The following MAP3K5 variants were observed in gnomAD, a reference collection of about 807,000 sequenced individuals.
The protein encoded by MAP3K5 is mitogen-activated protein kinase kinase kinase 5, also known as ASK-1.
Under a neutral mutation model 158.7 loss-of-function variants are expected in MAP3K5, and 56 were observed. The ratio of observed to expected loss-of-function variants is 0.35; its 90% confidence interval spans 0.28 to 0.44. The LOEUF is 0.44. Among genes scored for constraint, MAP3K5 ranks in the 20% least tolerant of loss-of-function variants. MAP3K5 has a pLI of 1.00. For missense variants in MAP3K5, 1,294 were observed against 1,674.8 expected, an observed-to-expected ratio of 0.77 and a Z score of 3.97; for synonymous variants, 579 against 601.7, an observed-to-expected ratio of 0.96 and a Z score of 0.55.
At chr6:136,725,687 T>C (rs1265348758) in intron 1 of MAP3K5, among the ~76,000 whole-genome samples, 1 of 152,260 alleles carries the variant, frequency 6.6e-6, no homozygotes, top group Non-Finnish European at 1.5e-5. Context: ...TACAAGAGAA[T>C]TTAAATTTAA....
chr6:136,626,880 T>G (rs1325829443), intron 14 of MAP3K5, among the ~76,000 whole-genome samples: 1 of 152,226 alleles, frequency 6.6e-6, no homozygotes, highest in Non-Finnish European at 1.5e-5. Context: ...AGAAATTTTT[T>G]TTTCCAGTGA....
chr6:136,668,944 T>C (rs1342670700), intron 8 of MAP3K5, among the ~76,000 whole-genome samples: 1 of 152,118 alleles, frequency 6.6e-6, no homozygotes, highest in Non-Finnish European at 1.5e-5. Flanking sequence ...CAATCTAAAA[T>C]AGGAAATATT....
intron 2 of MAP3K5, among the ~76,000 whole-genome samples, chr6:136,711,377 T>A (rs1182205274): frequency 6.6e-6 from 1 of 152,010 alleles, no homozygotes; most frequent in Non-Finnish European, 1.5e-5. Flanking sequence ...AAAGAAAATA[T>A]CTTCTGGCCA....
intron 23 of MAP3K5, among the ~76,000 whole-genome samples, chr6:136,591,380 G>A (rs890470076): frequency 1.3e-5 from 2 of 152,242 alleles, no homozygotes; most frequent in African/African-American, 4.8e-5. Context: ...GCGGGTGCCC[G>A]CCTGGTACTG....
chr6:136,605,082 C>G (rs900131318), intron 19 of MAP3K5, 127 bp downstream of exon 19: 2 of 886,268 alleles, frequency 2.3e-6, no homozygotes. Flanking sequence ...TCTTCTTGAC[C>G]TTTAATGTGT....
intron 1 of MAP3K5, among the ~76,000 whole-genome samples, chr6:136,739,951 T>C (rs1001170624): frequency 6.6e-6 from 1 of 152,162 alleles, no homozygotes; most frequent in Non-Finnish European, 1.5e-5. Flanking sequence ...GGCCTGTAGC[T>C]GCCAAGAAAC....
intron 1 of MAP3K5, among the ~76,000 whole-genome samples, chr6:136,741,765 C>A (rs888704622): frequency 6.6e-6 from 1 of 152,060 alleles, no homozygotes; most frequent in Non-Finnish European, 1.5e-5. Flanking sequence ...TAACAAAAAC[C>A]CTCCTAGAAT....
intron 1 of MAP3K5, among the ~76,000 whole-genome samples, chr6:136,757,611 G>T (rs1783563200): frequency 7.1e-6 from 1 of 140,484 alleles, no homozygotes; most frequent in African/African-American, 2.7e-5. Flanking sequence ...TTTTGAGACG[G>T]AGTTTCGCTC....
chr6:136,605,811 AT>A (rs1562540802), intron 18 of MAP3K5, among the ~76,000 whole-genome samples: 1 of 152,096 alleles, frequency 6.6e-6, no homozygotes, highest in Non-Finnish European at 1.5e-5. Flanking sequence ...CTCTATCTCT[AT>A]TTTTCAGTTC....
chr6:136,557,764 CTGTT>C lies in MAP3K5; in HGVS notation c.4115_4118del (p.Lys1372ArgfsTer8). The C allele has an allele frequency of 6.2e-7, 1 of 1,610,422 alleles. No homozygotes were observed. The highest frequency in any genetic ancestry group is 1.1e-5 in the South Asian group (1 of 90,996). Reference sequence around the variant, plus strand: ...AGATTAGATTGAGCAACAGTCAAGTCTGTTTGTTTCGAAAGTCAATGATAGCCTT... The same window carrying C: ...AGATTAGATTGAGCAACAGTCAAGTCTGTTTCGAAAGTCAATGATAGCCTT... On this transcript the variant is annotated frameshift_variant, in exon 30 of 30. Coordinates refer to ENST00000359015, the MANE Select transcript of MAP3K5 (RefSeq NM_005923.4). LOFTEE classifies it high-confidence loss of function.
At chr6:136,699,952 G>C (rs781662832) in intron 3 of MAP3K5, among the ~76,000 whole-genome samples, 4 of 152,108 alleles carry the variant, frequency 2.6e-5, no homozygotes, top group Non-Finnish European at 5.9e-5. Context: ...AAATTATCCA[G>C]GTGGGGTGGT....
chr6:136,566,418 ACAC>A (rs3831521), intron 26 of MAP3K5, among the ~76,000 whole-genome samples: 15,746 of 152,228 alleles, frequency 0.1, 956 homozygotes, highest in East Asian at 0.16. Context: ...AGTCCAAAAA[ACAC>A]CACCACTCAG....
At chr6:136,581,854 G>C (rs901115894) in intron 24 of MAP3K5, among the ~76,000 whole-genome samples, 2 of 152,178 alleles carry the variant, frequency 1.3e-5, no homozygotes, top group Non-Finnish European at 2.9e-5. Flanking sequence ...AGTCCGATGC[G>C]GGCGGATCAC....
chr6:136,664,648 A>G (rs1779149718), intron 8 of MAP3K5, among the ~76,000 whole-genome samples: 1 of 152,202 alleles, frequency 6.6e-6, no homozygotes, highest in African/African-American at 2.4e-5. Context: ...TTTGGTGACA[A>G]TATTTCACAA....
Position 136,557,627 on chromosome 6 carries a change from TAAC to T in MAP3K5, c.*128_*130del. The T allele has an allele frequency of 1.7e-6, 1 of 574,794 alleles. No individual in the cohort carries two copies. The highest frequency in any genetic ancestry group is 1.9e-5 in the African/African-American group (1 of 52,532). The allele number at this position is 574,794 out of a possible 1,614,324, so 35.6% of individuals were successfully genotyped here. A position where few individuals can be genotyped will look rare whatever the true frequency, so the allele number is the denominator to read the frequency against. On this transcript the variant is annotated 3_prime_UTR_variant, in exon 30 of 30. Coordinates refer to ENST00000359015, the MANE Select transcript of MAP3K5 (RefSeq NM_005923.4). ...GTGTTTTGTCTGTTTTTTTTTTTTT[TAAC>T]ATGAGTAAACAAATACTGGATTTAA...
rs907571176 is a variant in MAP3K5, at chr6:136,600,187, A to ATTT, written c.2878+832_2878+834dup. On this transcript the variant is annotated intron_variant, in intron 21 of 29. Coordinates refer to ENST00000359015, the MANE Select transcript of MAP3K5 (RefSeq NM_005923.4). ...AGGAAAATCCAACACCATGCTGTTA[A>ATTT]TTTTTTTTTTTTTTTTTTTTTGAGA... is the stretch of plus-strand genomic sequence containing the variant. Among the ~76,000 whole-genome samples, 698 of 132,706 alleles carry ATTT rather than the reference A, an allele frequency of 5.3e-3. 15 individuals carry two copies. In the East Asian group the frequency reaches 0.07, roughly 13 times the overall value. The allele number at this position is 132,706 out of a possible 152,430, so 87.1% of individuals were successfully genotyped here. A position where few individuals can be genotyped will look rare whatever the true frequency, so the allele number is the denominator to read the frequency against.
At chr6:136,582,952 C>T (rs1774955374) in intron 24 of MAP3K5, among the ~76,000 whole-genome samples, 1 of 152,090 alleles carries the variant, frequency 6.6e-6, no homozygotes, top group Admixed American at 6.6e-5. Flanking sequence ...TGCATAGCAA[C>T]TCAATTTTGG....
At chr6:136,768,479 C>CA (rs1784049236) in intron 1 of MAP3K5, among the ~76,000 whole-genome samples, 1 of 152,160 alleles carries the variant, frequency 6.6e-6, no homozygotes, top group South Asian at 2.1e-4. Flanking sequence ...AAATGCAAAT[C>CA]AAAACCACAG....
chr6:136,730,721 CA>C (rs377188561), intron 1 of MAP3K5, among the ~76,000 whole-genome samples: 94 of 87,350 alleles, frequency 1.1e-3, no homozygotes, highest in Admixed American at 3.2e-3. Context: ...AACTCTGCCT[CA>C]AAAAAAAAAA....
Sources: gnomAD v4.1 joint callset for allele counts (sites outside exome capture counted in the v4.1 genomes callset) on GRCh38, gnomAD v4.1.1 for gene constraint, MANE v1.5 for transcripts, NCBI Gene and HGNC (gene_info 2026-07-23, HGNC 2026-07-21) for gene names.